Variants in SIGLEC11 observed in about 807,000 individuals in gnomAD.
SIGLEC11 encodes sialic acid binding Ig like lectin 11.
SIGLEC11 carries 47 observed loss-of-function variants against 61.2 expected under a neutral mutation model. That is an observed-to-expected ratio of 0.77 (90% CI 0.61 to 0.98). The LOEUF (loss-of-function observed/expected upper bound fraction) is 0.98. SIGLEC11 is among the 50% of genes least tolerant of loss of function. The pLI is 0.00. For synonymous variants in SIGLEC11, 278 were observed against 373.1 expected, an observed-to-expected ratio of 0.75 and a Z score of 2.94; for missense variants, 610 against 870.3, an observed-to-expected ratio of 0.70 and a Z score of 3.76.
chr19:49,959,135 G>T, intron 5 of SIGLEC11, 58 bp from the exon 6 acceptor site: 2 of 1,604,790 alleles, frequency 1.2e-6, no homozygotes, highest in Middle Eastern at 1.8e-4. Context: ...TCTGGGTAAA[G>T]GGAACTATCC....
intron 8 of SIGLEC11, among the ~76,000 whole-genome samples, chr19:49,953,976 C>G (rs1274716856): frequency 6.6e-6 from 1 of 152,010 alleles, no homozygotes; most frequent in Non-Finnish European, 1.5e-5. Flanking sequence ...GATGGCTGAC[C>G]GAAGAAACTG....
Position 49,960,766 on chromosome 19 carries a change from C to G in SIGLEC11, c.246G>C (p.Thr82=), listed in dbSNP as rs76003715. 0.022 allele frequency: 34,905 copies of G among 1,613,202 alleles called. 1,425 individuals carry two copies. In the East Asian group the frequency reaches 0.24, roughly 11 times the overall value. The stretch of plus-strand genomic sequence containing the variant: ...GGTTGTTAGTGGCCACAGGAGCACC[C>G]GTCTTTGGGCTGGTCCGTCCTTTGA... ...YWFKGRTSPK[T]GAPVATNNQS... The change falls in exon 2 of 11, where the codon ACG becomes ACC. Residue 82 remains threonine, a synonymous_variant. Coordinates refer to ENST00000447370, the MANE Select transcript of SIGLEC11 (RefSeq NM_052884.3).
Position 49,955,804 on chromosome 19 carries a change from G to A in SIGLEC11, c.1651+2479C>T, listed in dbSNP as rs1433835711. The stretch of plus-strand genomic sequence containing the variant: ...AAAAAAATTAGCCGGGCTTGGTGGC[G>A]GGCGCCTGTAGTCCCAGCTACTCGG... On this transcript the variant is annotated intron_variant, in intron 8 of 10. Transcript: ENST00000447370. The surrounding 1 kb of genome is among the most constrained non-coding windows in gnomAD (Gnocchi z 4.5). Among the ~76,000 whole-genome samples, 1 of 151,990 alleles carries A rather than the reference G, an allele frequency of 6.6e-6. No individual in the cohort carries two copies. The highest frequency in any genetic ancestry group is 1.5e-5 in the Non-Finnish European group (1 of 67,984).
chr19:49,950,211 C>T lies in SIGLEC11; in HGVS notation c.1856G>A (p.Gly619Asp). The T allele has an allele frequency of 6.3e-7, 1 of 1,595,138 alleles. No homozygotes were observed. The highest frequency in any genetic ancestry group is 8.5e-7 in the Non-Finnish European group (1 of 1,173,188). ...TGGGGGCGGGTGGTCTTGGGAGCTGCCTGCCGAGCATTCATGCTGGTGACC... is the reference window on the plus strand; with the variant it reads ...TGGGGGCGGGTGGTCTTGGGAGCTGTCTGCCGAGCATTCATGCTGGTGACC... The part of the protein sequence containing the change: ...SQGHQHECSA[G>D]SSQDHPPPGA... Residue 619 changes from glycine (G) to aspartate (D), a missense_variant, in exon 11 of 11, where the codon GGC becomes GAC. Gly to Asp is a moderately conservative substitution (Grantham distance 94). This residue lies in a region of SIGLEC11 where 432 missense variants were observed against 441.5 expected (regional missense o/e 0.98). Transcript: ENST00000447370.
rs2076221905 is a variant in SIGLEC11 at position 49,959,057 on chromosome 19, C to G, written c.1078G>C (p.Val360Leu). Residue 360 changes from valine to leucine, a missense_variant, in exon 6 of 11, where the codon GTG (valine) becomes CTG (leucine). Around this residue, in one of 6 missense-constraint regions of SIGLEC11, gnomAD observed 432 missense variants for 441.5 expected, o/e 0.98. Coordinates refer to ENST00000447370, the MANE Select transcript of SIGLEC11 (RefSeq NM_052884.3). Reference protein sequence around the residue: ...SVQYPPENLRVMVSQANRTVL... With the variant: ...SVQYPPENLRLMVSQANRTVL... ...GTCCTGTTTGCTTGGGAAACCATCACTCTCAGGTTCTCTGGAGGATCTGAA... is the reference window on the plus strand; with the variant it reads ...GTCCTGTTTGCTTGGGAAACCATCAGTCTCAGGTTCTCTGGAGGATCTGAA... The G allele has an allele frequency of 1.9e-6, 3 of 1,613,762 alleles. No homozygotes were observed. Among genetic ancestry groups the G allele is most frequent in the African/African-American group, 2.7e-5 (2 of 74,874 alleles).
At chr19:49,952,530 CACTCCAAG>C (rs2076165692) in intron 8 of SIGLEC11, 136 bp from the exon 9 acceptor site, 2 of 615,276 alleles carry the variant, frequency 3.3e-6, no homozygotes, top group Admixed American at 6.3e-5. Context: ...TGCATTCATT[CACTCCAAG>C]AAAAGTAACA....
At position 49,955,314 on chromosome 19, in the gene SIGLEC11, C is replaced by CAAAA. The variant is rs71180665; in HGVS notation, c.1652-2924_1652-2921dup. 2.0e-5 allele frequency among the ~76,000 whole-genome samples: 2 copies of CAAAA among 102,532 alleles called. No homozygotes were observed. 67.3% of individuals were successfully genotyped at this position (102,532 alleles called of 152,430 possible). A position where few individuals can be genotyped will look rare whatever the true frequency, so the allele number is the denominator to read the frequency against. On this transcript the variant is annotated intron_variant, in intron 8 of 10. Transcript: ENST00000447370. The surrounding 1 kb of genome is among the most constrained non-coding windows in gnomAD (Gnocchi z 4.5). ...CGGGGACTGGCCCCAGAAAAAAAGC[C>CAAAA]AAAAAAAAAAAAAAAAAGAAAGGCA...
chr19:49,960,667 G>A lies in SIGLEC11; in HGVS notation c.345C>T (p.Ser115=). ...LTGDPGKGSC[S]LVIRDAQRED... ...CCCTCTGCGCGTCTCTGATCACCAA[G>A]GAGCAGCTCCCTTTGCCGGGATCCC... Residue 115 remains serine (S), a synonymous_variant, in exon 2 of 11, where the codon TCC becomes TCT. Coordinates refer to ENST00000447370, the MANE Select transcript of SIGLEC11 (RefSeq NM_052884.3). The A allele has an allele frequency of 1.2e-6, 2 of 1,609,086 alleles. No homozygotes were observed. Among genetic ancestry groups the A allele is most frequent in the South Asian group, 2.2e-5 (2 of 91,016 alleles).
rs907732317 is a variant in SIGLEC11 at position 49,955,019 on chromosome 19, C to T, written c.1652-2625G>A. Among the ~76,000 whole-genome samples, 11 of 152,240 alleles carry T rather than the reference C, an allele frequency of 7.2e-5. No homozygotes were observed. The highest frequency in any genetic ancestry group is 2.1e-4 in the South Asian group (1 of 4,826). Reference sequence around the variant, plus strand: ...TTATAAAAAACTTTGTGAAGCATTCCGGCCTTACACCCTATTTGACCCTGA... The same window carrying T: ...TTATAAAAAACTTTGTGAAGCATTCTGGCCTTACACCCTATTTGACCCTGA... On this transcript the variant is annotated intron_variant, in intron 8 of 10. Transcript: ENST00000447370. This position sits in a 1 kb window ranked among gnomAD's most constrained non-coding sequence, Gnocchi z 4.5.
rs1364395033 is a variant in SIGLEC11, at chr19:49,960,588, T to C, written c.424A>G (p.Ser142Gly). 3 of 1,598,370 alleles carry C rather than the reference T, an allele frequency of 1.9e-6. No homozygotes were observed. Among genetic ancestry groups the C allele is most frequent in the South Asian group, 2.2e-5 (2 of 90,736 alleles). Residue 142 changes from serine (S) to glycine (G), a missense_variant, in exon 2 of 11, where the codon AGT becomes GGT. Coordinates refer to ENST00000447370, the MANE Select transcript of SIGLEC11 (RefSeq NM_052884.3). ...RVERGSRVRH[S>G]FLSNAFFLKV... ...AGAAAGAACGCATTGCTCAGGAAACTATGTCTCACACGGCTTCCTCTCTCC... is the reference window on the plus strand; with the variant it reads ...AGAAAGAACGCATTGCTCAGGAAACCATGTCTCACACGGCTTCCTCTCTCC...
chr19:49,956,731 T>G (rs1310868842), intron 8 of SIGLEC11, among the ~76,000 whole-genome samples: 1 of 152,190 alleles, frequency 6.6e-6, no homozygotes, highest in African/African-American at 2.4e-5. Flanking sequence ...ACACTCCTAT[T>G]TACATGCTTA....
chr19:49,958,287 T>C lies in SIGLEC11; in HGVS notation c.1647A>G (p.Leu549=). 6.2e-6 allele frequency: 10 copies of C among 1,613,854 alleles called. No homozygotes were observed. The highest frequency in any genetic ancestry group is 6.8e-6 in the Non-Finnish European group (8 of 1,179,918). Reference sequence around the variant, plus strand: ...AGCCCCCCACAGTCCCCTCACCTGGTAGCAGCTGGAAGACAGAGCCACTCT... The same window carrying C: ...AGCCCCCCACAGTCCCCTCACCTGGCAGCAGCTGGAAGACAGAGCCACTCT... ...GAQSGSVFQL[L]PGKLEHGGGL... The change falls in exon 8 of 11, where the codon CTA becomes CTG. Residue 549 remains leucine (L), a synonymous_variant. Coordinates refer to ENST00000447370, the MANE Select transcript of SIGLEC11 (RefSeq NM_052884.3).
rs915684908 is a variant in SIGLEC11, at chr19:49,955,764, C to A, written c.1651+2519G>T. Among the ~76,000 whole-genome samples the A allele has an allele frequency of 3.9e-5, 6 of 152,174 alleles. No individual in the cohort carries two copies. Among genetic ancestry groups the A allele is most frequent in the African/African-American group, 1.2e-4 (5 of 41,518 alleles). On this transcript the variant is annotated intron_variant, in intron 8 of 10. Coordinates refer to ENST00000447370, the MANE Select transcript of SIGLEC11 (RefSeq NM_052884.3). This position sits in a 1 kb window ranked among gnomAD's most constrained non-coding sequence, Gnocchi z 4.5. The stretch of plus-strand genomic sequence containing the variant: ...CCTGGCTAACACTGTGAAACCCTGT[C>A]TCTAGTAAAAATACAAAAAAATTAG...
rs1295879670 is a variant in SIGLEC11 at position 49,950,106 on chromosome 19, A to G, written c.1961T>C (p.Leu654Pro). Reference protein sequence around the residue: ...YASLSFQGLRLWEPADQEAPS... With the variant: ...YASLSFQGLRPWEPADQEAPS... Reference sequence around the variant, plus strand: ...GGCCTCCTGGTCCGCAGGCTCCCAGAGCCTCAGGCCCTGGAAGCTGAGGGA... The same window carrying G: ...GGCCTCCTGGTCCGCAGGCTCCCAGGGCCTCAGGCCCTGGAAGCTGAGGGA... The change falls in exon 11 of 11, where the codon CTC (leucine) becomes CCC (proline). Residue 654 changes from leucine (L) to proline (P), a missense_variant. Physicochemically the swap from Leu to Pro is moderately conservative, Grantham distance 98. Coordinates refer to ENST00000447370, the MANE Select transcript of SIGLEC11 (RefSeq NM_052884.3). 3 of 1,612,682 alleles carry G rather than the reference A, an allele frequency of 1.9e-6. No individual in the cohort carries two copies.
intron 8 of SIGLEC11, among the ~76,000 whole-genome samples, chr19:49,957,744 G>C (rs1474193305): frequency 2.0e-5 from 3 of 152,246 alleles, no homozygotes. Context: ...GCACACGCCT[G>C]TAATCCCAGC....
chr19:49,951,986 C>CT lies in SIGLEC11; in HGVS notation c.1749-15_1749-14insA. The CT allele has an allele frequency of 6.2e-7, 1 of 1,601,416 alleles. No individual in the cohort carries two copies. The highest frequency in any genetic ancestry group is 8.5e-7 in the Non-Finnish European group (1 of 1,175,084). ...CAGATCTTCACCCTGAGGGAGGAGG[C>CT]AGTGCCCTTCAGCCTCCAGGCTGGT... On this transcript the variant is annotated splice_polypyrimidine_tract_variant and intron_variant, in intron 9 of 10. Transcript: ENST00000447370. The surrounding 1 kb of genome is among the most constrained non-coding windows in gnomAD (Gnocchi z 4.6).
At chr19:49,952,037 A>C in intron 9 of SIGLEC11, 65 bp from the exon 10 acceptor site, 1 of 1,491,724 alleles carries the variant, frequency 6.7e-7, no homozygotes, top group Admixed American at 2.1e-5. Context: ...ACTGCTACCC[A>C]CATGGCTTAG....
At chr19:49,952,038 C>A in intron 9 of SIGLEC11, 66 bp from the exon 10 acceptor site, 1 of 1,480,502 alleles carries the variant, frequency 6.8e-7, no homozygotes, top group Non-Finnish European at 9.1e-7. Flanking sequence ...CTGCTACCCA[C>A]ATGGCTTAGC....
chr19:49,958,000 A>C (rs937614113), intron 8 of SIGLEC11, among the ~76,000 whole-genome samples: 19 of 152,036 alleles, frequency 1.2e-4, no homozygotes, highest in African/African-American at 3.6e-4. Context: ...CAAAAAAAAA[A>C]CCAAAAAACA....
Sources: gnomAD v4.1 joint callset for allele counts (sites outside exome capture counted in the v4.1 genomes callset) on GRCh38, gnomAD v4.1.1 for gene constraint, gnomAD v4.1.1 regional missense constraint, Gnocchi (gnomAD v3.1) non-coding constraint, MANE v1.5 for transcripts, NCBI Gene and HGNC (gene_info 2026-07-23, HGNC 2026-07-21) for gene names.